Variants in SPTAN1 observed in about 807,000 individuals in gnomAD.
The protein encoded by SPTAN1 is spectrin alpha chain, non-erythrocytic 1.
In SPTAN1, 61 loss-of-function variants were observed where a neutral mutation model predicts 331.3. The ratio of observed to expected loss-of-function variants is 0.18; its 90% CI spans 0.15 to 0.23. The LOEUF (loss-of-function observed/expected upper bound fraction) is 0.23, where lower values mean the gene tolerates loss of function less well. Ranked by LOEUF, SPTAN1 falls within the 10% of genes least tolerant of loss-of-function variation. The pLI is 1.00. For missense variants in SPTAN1, 2,043 were observed against 3,147.9 expected (o/e 0.65, Z 8.40); for synonymous variants, 1,153 against 1,173.9 (o/e 0.98, Z 0.36).
In SPTAN1 at chr9:128,630,326, G is replaced by T; in HGVS notation, c.6713G>T (p.Cys2238Phe). 1.2e-6 allele frequency: 2 copies of T among 1,613,572 alleles called. No homozygotes were observed. Among genetic ancestry groups the T allele is most frequent in the Non-Finnish European group, 1.7e-6 (2 of 1,179,990 alleles). Reference protein sequence around the residue: ...ETRTYLLDGSCMVEESGTLES... With the variant: ...ETRTYLLDGSFMVEESGTLES... ...CACTGTCCTTCCACGTTTAGGTCCT[G>T]TATGGTGGAAGAGTCGGGGACCCTC... Residue 2238 changes from cysteine to phenylalanine, a missense_variant, in exon 52 of 57, where the codon TGT (cysteine) becomes TTT (phenylalanine). By Grantham distance (205) the Cys-to-Phe change is radical. Around this residue, in one of 12 missense-constraint regions of SPTAN1, gnomAD observed 256 missense variants for 376.4 expected, o/e 0.68. Transcript: ENST00000372739.
intron 52 of SPTAN1, among the ~76,000 whole-genome samples, chr9:128,631,229 G>T (rs1042370198): frequency 6.7e-6 from 1 of 149,510 alleles, no homozygotes; most frequent in Admixed American, 6.7e-5. Flanking sequence ...AAGCCGAGGC[G>T]GGTGGATTGC....
intron 27 of SPTAN1, among the ~76,000 whole-genome samples, chr9:128,601,030 C>G (rs967772162): frequency 8.7e-6 from 1 of 114,604 alleles, no homozygotes; most frequent in African/African-American, 3.3e-5. Context: ...GTTGCCCAGG[C>G]TGGAGTGCAG....
rs1564311519 is a variant in SPTAN1 at position 128,624,393 on chromosome 9, G to A, written c.5898G>A (p.Leu1966=). 6.2e-7 allele frequency: 1 copy of A among 1,614,048 alleles called. No homozygotes were observed. The highest frequency in any genetic ancestry group is 2.2e-5 in the East Asian group (1 of 44,882). ...MKGLNGKVSD[L]EKAAAQRKAK... ...GCCTGAACGGGAAAGTGTCAGACCT[G>A]GAGAAAGCTGCAGCCCAGAGAAAGG... Residue 1966 remains leucine (L), a synonymous_variant, in exon 46 of 57, where the codon CTG becomes CTA. Transcript: ENST00000372739.
chr9:128,625,868 A>G lies in SPTAN1; in HGVS notation c.6169A>G (p.Lys2057Glu). Residue 2057 changes from lysine to glutamate, a missense_variant, in exon 48 of 57, where the codon AAG becomes GAG. Physicochemically the swap from Lys to Glu is moderately conservative, Grantham distance 56 (BLOSUM62 1). Around this residue, in one of 12 missense-constraint regions of SPTAN1, gnomAD observed 256 missense variants for 376.4 expected, o/e 0.68. Coordinates refer to ENST00000372739, the MANE Select transcript of SPTAN1 (RefSeq NM_001130438.3). The surrounding 1 kb of genome is among the most constrained non-coding windows in gnomAD (Gnocchi z 4.1). ...TCTCGCCGCCAAACACGTTCAGTCC[A>G]AGGCCATCGAGGCCCGGCACGCCTC... ...QLLAAKHVQS[K>E]AIEARHASLM... The G allele has an allele frequency of 6.2e-7, 1 of 1,614,178 alleles. No individual in the cohort carries two copies. The highest frequency in any genetic ancestry group is 1.3e-5 in the African/African-American group (1 of 75,040).
intron 15 of SPTAN1, 109 bp downstream of exon 15, chr9:128,583,390 C>T: frequency 8.8e-7 from 1 of 1,137,570 alleles, no homozygotes; most frequent in South Asian, 1.3e-5. Context: ...AGGTGGATGA[C>T]TTTGGCGTTA....
At chr9:128,587,748 C>A in intron 20 of SPTAN1, 50 bp downstream of exon 20, 1 of 1,492,844 alleles carries the variant, frequency 6.7e-7, no homozygotes, top group South Asian at 1.1e-5. Context: ...TTGAAGGACT[C>A]AGATACTGTC....
intron 1 of SPTAN1, among the ~76,000 whole-genome samples, chr9:128,559,526 G>A (rs1010176755): frequency 3.0e-4 from 45 of 152,276 alleles, no homozygotes; most frequent in African/African-American, 1.0e-3. Flanking sequence ...TCAGGAGCTC[G>A]TGTGCAGTGT....
chr9:128,595,424 TAA>T (rs1854141502), intron 24 of SPTAN1, among the ~76,000 whole-genome samples: 1 of 152,218 alleles, frequency 6.6e-6, no homozygotes, highest in East Asian at 1.9e-4. Context: ...TAGCTATTTT[TAA>T]AAGACTTTAA....
chr9:128,588,389 G>A (rs531510310), intron 20 of SPTAN1, among the ~76,000 whole-genome samples: 87 of 134,602 alleles, frequency 6.5e-4, no homozygotes, highest in African/African-American at 2.2e-3. Context: ...TTGGCTCACC[G>A]CAACCTCCGC....
chr9:128,582,054 A>G (rs1162728481), intron 12 of SPTAN1, 162 bp downstream of exon 12: 6 of 664,756 alleles, frequency 9.0e-6, no homozygotes, highest in Admixed American at 5.0e-5. Flanking sequence ...CGTTGAAGAC[A>G]TAATACAACT....
chr9:128,597,075 G>A (rs868120887), intron 24 of SPTAN1, among the ~76,000 whole-genome samples: 1 of 152,168 alleles, frequency 6.6e-6, no homozygotes, highest in African/African-American at 2.4e-5. Context: ...CATGAAGATC[G>A]CTTGAACCCG....
At chr9:128,575,809 A>G (rs1851239917) in intron 5 of SPTAN1, among the ~76,000 whole-genome samples, 2 of 152,164 alleles carry the variant, frequency 1.3e-5, no homozygotes, top group Non-Finnish European at 2.9e-5. Context: ...GCTGGAGCCC[A>G]TTAAGAGGGA....
At position 128,627,371 on chromosome 9, in the gene SPTAN1, C is replaced by G. The variant is rs369283624; in HGVS notation, c.6577-15C>G. The stretch of plus-strand genomic sequence containing the variant: ...CCACAGCAGCGCACAGCATCTGCCC[C>G]CCTTTGGCCCTCAGGAGAGGGAGCT... On this transcript the variant is annotated splice_polypyrimidine_tract_variant and intron_variant, in intron 49 of 56. Transcript: ENST00000372739. This position sits in a 1 kb window ranked among gnomAD's most constrained non-coding sequence, Gnocchi z 4.9. 1.3e-6 allele frequency: 2 copies of G among 1,550,002 alleles called. No homozygotes were observed. Among genetic ancestry groups the G allele is most frequent in the Non-Finnish European group, 1.7e-6 (2 of 1,146,098 alleles).
At position 128,612,389 on chromosome 9, in the gene SPTAN1, A is replaced by G. The variant is rs1856668233; in HGVS notation, c.5043+143A>G. The G allele has an allele frequency of 3.8e-5, 41 of 1,084,484 alleles. No individual in the cohort carries two copies. In the South Asian group the frequency reaches 5.5e-4, roughly 15 times the overall value. The allele number at this position is 1,084,484 out of a possible 1,614,324, so 67.2% of individuals were successfully genotyped here. ...GAAACCCTTATTATATATGAGTTGC[A>G]TGCTGTAAGGGATTTATGAGCAAAG... is the stretch of plus-strand genomic sequence containing the variant. On this transcript the variant is annotated intron_variant, in intron 39 of 56. Coordinates refer to ENST00000372739, the MANE Select transcript of SPTAN1 (RefSeq NM_001130438.3).
chr9:128,600,767 A>G (rs890830612), intron 27 of SPTAN1, among the ~76,000 whole-genome samples: 6 of 151,586 alleles, frequency 4.0e-5, no homozygotes, highest in Admixed American at 1.3e-4. Flanking sequence ...AGTTCGAGCA[A>G]TTCTCCTGCC....
At chr9:128,601,277 T>C (rs1010248557) in intron 27 of SPTAN1, 1 of 152,272 alleles carries the variant, frequency 6.6e-6, no homozygotes, top group Admixed American at 6.5e-5. Flanking sequence ...CTGAGGTTTT[T>C]TATGTGATAC....
At chr9:128,612,440 TGTA>T (rs1856675888) in intron 39 of SPTAN1, among the ~76,000 whole-genome samples, 194 bp downstream of exon 39, 1 of 152,170 alleles carries the variant, frequency 6.6e-6, no homozygotes, top group African/African-American at 2.4e-5. Flanking sequence ...AGAGCTGACT[TGTA>T]GTGGCACTTG....
intron 15 of SPTAN1, 129 bp downstream of exon 15, chr9:128,583,410 T>C: frequency 2.1e-6 from 2 of 963,528 alleles, no homozygotes; most frequent in Non-Finnish European, 3.2e-6. Context: ...AGGGATAATT[T>C]CCTGTGTAGG....
Position 128,607,718 on chromosome 9 carries a change from C to T in SPTAN1, c.4146+15C>T. 1 of 1,613,718 alleles carries T rather than the reference C, an allele frequency of 6.2e-7. No individual in the cohort carries two copies. The highest frequency in any genetic ancestry group is 8.5e-7 in the Non-Finnish European group (1 of 1,179,744). ...AGCGACACCAGGTGGGTGGACCTGC[C>T]TGCTGAGTAGCAAAGACGTGGCTGC... On this transcript the variant is annotated intron_variant, in intron 32 of 56. Coordinates refer to ENST00000372739, the MANE Select transcript of SPTAN1 (RefSeq NM_001130438.3).
Sources: allele counts gnomAD v4.1 joint callset (sites outside exome capture counted in the v4.1 genomes callset), GRCh38; gene constraint gnomAD v4.1.1; regional missense constraint gnomAD v4.1.1; non-coding constraint Gnocchi (gnomAD v3.1); transcripts MANE v1.5; gene names NCBI Gene and HGNC (gene_info 2026-07-23, HGNC 2026-07-21).